The following GADL1 variants were observed in gnomAD, a reference collection of about 807,000 sequenced individuals.
GADL1 encodes acidic amino acid decarboxylase GADL1.
Under a neutral mutation model 69.5 loss-of-function variants are expected in GADL1, and 71 were observed. That is an observed-to-expected ratio of 1.02 (90% CI 0.84 to 1.25). The LOEUF is 1.25. Ranked by LOEUF, GADL1 falls within the 50% of genes most tolerant of loss-of-function variation. The pLI, the probability that GADL1 is intolerant of heterozygous loss-of-function variation, is 0.00. For missense variants in GADL1, 737 were observed against 631.8 expected (o/e 1.17, Z -1.79); for synonymous variants, 254 against 214.4 (o/e 1.18, Z -1.62).
intron 14 of GADL1, among the ~76,000 whole-genome samples, chr3:30,752,079 G>T (rs1446676132): frequency 6.6e-6 from 1 of 151,464 alleles, no homozygotes; most frequent in Non-Finnish European, 1.5e-5. Flanking sequence ...AACCTATTTC[G>T]TTAAAGTACT....
intron 11 of GADL1, among the ~76,000 whole-genome samples, chr3:30,820,364 A>G (rs1335938707): frequency 5.3e-5 from 8 of 152,134 alleles, no homozygotes; most frequent in Non-Finnish European, 1.2e-4. Flanking sequence ...TGAAAATTCT[A>G]TCAGTCTATT....
At position 30,894,601 on chromosome 3, in the gene GADL1, G is replaced by C. The variant is rs1463040257; in HGVS notation, c.14C>G (p.Ser5Trp). Residue 5 changes from serine (S) to tryptophan (W), a missense_variant, in exon 1 of 15, where the codon TCG becomes TGG. Coordinates refer to ENST00000282538, the MANE Select transcript of GADL1 (RefSeq NM_207359.3). MSSDSDRQCPVDGDI... is the reference protein window; with the variant it reads MSSDWDRQCPVDGDI... The stretch of plus-strand genomic sequence containing the variant: ...ACCGTCCACAGGACACTGGCGGTCC[G>C]AGTCGCTGCTCATCTCCGCTCCCCC... The C allele has an allele frequency of 6.4e-7, 1 of 1,551,002 alleles. No homozygotes were observed. The highest frequency in any genetic ancestry group is 8.7e-7 in the Non-Finnish European group (1 of 1,146,686).
intron 1 of GADL1, among the ~76,000 whole-genome samples, chr3:30,887,974 C>T (rs971686991): frequency 3.9e-5 from 6 of 152,246 alleles, no homozygotes; most frequent in African/African-American, 1.2e-4. Flanking sequence ...AAGTCCCTTA[C>T]GTGAAAGGGT....
intron 14 of GADL1, among the ~76,000 whole-genome samples, chr3:30,763,093 T>C (rs1696181462): frequency 6.6e-6 from 1 of 152,174 alleles, no homozygotes; most frequent in Non-Finnish European, 1.5e-5. Context: ...ATTAAAAATC[T>C]AGCACCATAA....
chr3:30,732,365 C>A (rs1695471655), intron 14 of GADL1, among the ~76,000 whole-genome samples: 1 of 152,134 alleles, frequency 6.6e-6, no homozygotes, highest in Non-Finnish European at 1.5e-5. Context: ...AAATTCTTTT[C>A]TTGTGCCTCA....
At chr3:30,885,375 G>A (rs1378248967) in intron 1 of GADL1, among the ~76,000 whole-genome samples, 1 of 152,058 alleles carries the variant, frequency 6.6e-6, no homozygotes, top group Non-Finnish European at 1.5e-5. Flanking sequence ...ACAATAGAAT[G>A]ACATTCATGC....
intron 11 of GADL1, among the ~76,000 whole-genome samples, chr3:30,807,489 T>C (rs1697275062): frequency 6.6e-6 from 1 of 152,232 alleles, no homozygotes; most frequent in African/African-American, 2.4e-5. Flanking sequence ...GCTCCCATAC[T>C]TGATGTCCTT....
At chr3:30,744,179 T>G (rs1354826764) in intron 14 of GADL1, among the ~76,000 whole-genome samples, 1 of 152,148 alleles carries the variant, frequency 6.6e-6, no homozygotes, top group East Asian at 1.9e-4. Flanking sequence ...GAGTTCTACT[T>G]TAGAGGAAAT....
At chr3:30,757,845 C>T (rs946824929) in intron 14 of GADL1, among the ~76,000 whole-genome samples, 3 of 152,148 alleles carry the variant, frequency 2.0e-5, no homozygotes, top group African/African-American at 7.2e-5. Context: ...AATAGCAAAG[C>T]TGCTCAGATT....
At chr3:30,852,575 C>CA (rs1698165209) in intron 4 of GADL1, among the ~76,000 whole-genome samples, 1 of 150,462 alleles carries the variant, frequency 6.6e-6, no homozygotes, top group African/African-American at 2.4e-5. Flanking sequence ...TGTACATACA[C>CA]AAAAAGTATG....
At chr3:30,888,701 C>T (rs1308590571) in intron 1 of GADL1, among the ~76,000 whole-genome samples, 2 of 152,064 alleles carry the variant, frequency 1.3e-5, no homozygotes, top group African/African-American at 4.8e-5. Context: ...AACAAGGAGA[C>T]AGTCTCAAGG....
chr3:30,877,294 T>G (rs1698590390), intron 1 of GADL1, among the ~76,000 whole-genome samples: 1 of 151,838 alleles, frequency 6.6e-6, no homozygotes, highest in Non-Finnish European at 1.5e-5. Context: ...CATGAAACAA[T>G]AAAAGAACAA....
In GADL1 at chr3:30,784,660, A is replaced by C. The variant is rs189019519; in HGVS notation, c.1302+1695T>G. 2.8e-4 allele frequency among the ~76,000 whole-genome samples: 42 copies of C among 152,274 alleles called. No individual in the cohort carries two copies. The East Asian group carries it at 7.7e-3, about 28-fold the overall frequency. ...CTTTGGCTACTAAAAACAGTTTCCA[A>C]GTTTGTCTTGCTTATTTTTCTCTTG... On this transcript the variant is annotated intron_variant, in intron 13 of 14. Coordinates refer to ENST00000282538, the MANE Select transcript of GADL1 (RefSeq NM_207359.3).
intron 14 of GADL1, among the ~76,000 whole-genome samples, chr3:30,736,237 G>T (rs929674648): frequency 6.6e-6 from 1 of 151,998 alleles, no homozygotes; most frequent in African/African-American, 2.4e-5. Context: ...CAGTTCAGAT[G>T]ATAAACTTTA....
At chr3:30,733,867 C>T (rs539451668) in intron 14 of GADL1, among the ~76,000 whole-genome samples, 15 of 152,094 alleles carry the variant, frequency 9.9e-5, no homozygotes, top group Non-Finnish European at 2.1e-4. Context: ...CAAGACAATT[C>T]AGACTTTGAT....
At chr3:30,755,584 CTT>C (rs1491567559) in intron 14 of GADL1, among the ~76,000 whole-genome samples, 2 of 121,110 alleles carry the variant, frequency 1.7e-5, no homozygotes, top group African/African-American at 3.5e-5. Context: ...TCCATTTTTG[CTT>C]GTGTGTGTGT....
At chr3:30,842,756 G>C (rs999533536) in intron 8 of GADL1, among the ~76,000 whole-genome samples, 1 of 139,316 alleles carries the variant, frequency 7.2e-6, no homozygotes, top group Non-Finnish European at 1.5e-5. Context: ...AATTATACCA[G>C]AGTCAAAGAA....
chr3:30,842,705 C>A (rs1444819797), intron 8 of GADL1, among the ~76,000 whole-genome samples: 1 of 151,128 alleles, frequency 6.6e-6, no homozygotes, highest in Non-Finnish European at 1.5e-5. Context: ...AAAACAATAT[C>A]TGTGGTTCTC....
intron 14 of GADL1, among the ~76,000 whole-genome samples, chr3:30,753,244 T>C (rs1032184923): frequency 1.4e-4 from 22 of 152,158 alleles, no homozygotes; most frequent in African/African-American, 5.1e-4. Context: ...ATGGAGATAG[T>C]TCCAATCTAC....
Sources: allele counts gnomAD v4.1 joint callset (sites outside exome capture counted in the v4.1 genomes callset), GRCh38; gene constraint gnomAD v4.1.1; transcripts MANE v1.5; gene names NCBI Gene and HGNC (gene_info 2026-07-23, HGNC 2026-07-21).